BPIFC: variants seen among roughly 807,000 people sequenced by gnomAD.
BPIFC encodes BPI fold containing family C.
Under a neutral mutation model 57.6 loss-of-function variants are expected in BPIFC, and 60 were observed. The ratio of observed to expected loss-of-function variants is 1.04; its 90% CI spans 0.85 to 1.29. The LOEUF (loss-of-function observed/expected upper bound fraction) is 1.29. Among genes scored for constraint, BPIFC ranks in the 50% most tolerant of loss-of-function variants. The pLI is 0.00. For missense variants in BPIFC, 581 were observed against 600.5 expected (o/e 0.97, Z 0.34); for synonymous variants, 243 against 224.5 (o/e 1.08, Z -0.74).
At chr22:32,417,727 C>G (rs1933723317) in intron 14 of BPIFC, among the ~76,000 whole-genome samples, 2 of 152,206 alleles carry the variant, frequency 1.3e-5, no homozygotes, top group Non-Finnish European at 2.9e-5. Flanking sequence ...TCTACCAAGA[C>G]AGTCAAGAAC....
intron 2 of BPIFC, 135 bp from the exon 3 acceptor site, chr22:32,457,521 T>C (rs73170361): frequency 0.024 from 22,622 of 960,158 alleles, 357 homozygotes; most frequent in Non-Finnish European, 0.028. Flanking sequence ...ATCCATCCAT[T>C]CATCCATCCA....
intron 10 of BPIFC, among the ~76,000 whole-genome samples, chr22:32,434,308 T>C (rs1934331105): frequency 6.7e-6 from 1 of 149,288 alleles, no homozygotes; most frequent in Non-Finnish European, 1.5e-5. Context: ...ATAGTCTTTA[T>C]ATATATATTA....
At chr22:32,443,849 T>G (rs1934638571) in intron 7 of BPIFC, among the ~76,000 whole-genome samples, 1 of 152,164 alleles carries the variant, frequency 6.6e-6, no homozygotes, top group Non-Finnish European at 1.5e-5. Flanking sequence ...AAGCATTGAG[T>G]AAGTGTTAGC....
chr22:32,453,720 T>A (rs1934961044), intron 3 of BPIFC, among the ~76,000 whole-genome samples: 2 of 152,178 alleles, frequency 1.3e-5, no homozygotes, highest in South Asian at 4.1e-4. Flanking sequence ...AGAGCTAACA[T>A]GAGACATTTT....
chr22:32,425,516 C>G (rs1983835911), intron 13 of BPIFC, among the ~76,000 whole-genome samples: 1 of 152,208 alleles, frequency 6.6e-6, no homozygotes, highest in South Asian at 2.1e-4. Flanking sequence ...TGGAAATGAT[C>G]TTGTACGATT....
At chr22:32,421,635 T>C (rs1933850231) in intron 13 of BPIFC, among the ~76,000 whole-genome samples, 1 of 152,204 alleles carries the variant, frequency 6.6e-6, no homozygotes. Context: ...AGGTACTTAA[T>C]GTTCACTTAT....
rs369618463 is a variant in BPIFC, at chr22:32,435,778, C to A, written c.850G>T (p.Glu284Ter). 1.9e-6 allele frequency: 3 copies of A among 1,614,146 alleles called. No homozygotes were observed. The Admixed American group carries it at 5.0e-5, about 27-fold the overall frequency. The change falls in exon 10 of 17, where the codon GAG (glutamate) becomes TAG (stop). Residue 284 changes from glutamate to a stop codon, truncating the protein, a stop_gained. Transcript: ENST00000300399. LOFTEE classifies it high-confidence loss of function. ...SNSMLYIGIA[E>*]YFFKSASFAH... ...AAGGACGCAGATTTAAAGAAATACT[C>A]GGCGATTCCAATGTAGAGCATGGAG...
chr22:32,462,168 C>CAAAAAAAAAAAAAAAAAA (rs35716277), intron 1 of BPIFC, among the ~76,000 whole-genome samples: 20 of 53,576 alleles, frequency 3.7e-4, no homozygotes, highest in South Asian at 1.2e-3. Flanking sequence ...GACTCCATCT[C>CAAAAAAAAAAAAAAAAAA]AAAAAAAAAA....
rs773097186 is a variant in BPIFC at position 32,435,867 on chromosome 22, G to T, written c.761C>A (p.Pro254Gln). The change falls in exon 10 of 17, where the codon CCA (proline) becomes CAA (glutamine). Residue 254 changes from proline to glutamine, a missense_variant. Physicochemically the swap from Pro to Gln is moderately conservative, Grantham distance 76. Transcript: ENST00000300399. The stretch of plus-strand genomic sequence containing the variant: ...GGGGGGGTCGGTGAGGTTTTCCAGT[G>T]GGTAGAATACACCCTGTGGGAAAAG... ...LDLNLKGVFY[P>Q]LENLTDPPFS... The T allele has an allele frequency of 6.2e-7, 1 of 1,613,690 alleles. No individual in the cohort carries two copies. Among genetic ancestry groups the T allele is most frequent in the South Asian group, 1.1e-5 (1 of 91,004 alleles).
intron 1 of BPIFC, among the ~76,000 whole-genome samples, chr22:32,462,564 C>T (rs955897431): frequency 2.0e-5 from 3 of 152,158 alleles, no homozygotes; most frequent in Admixed American, 2.0e-4. Flanking sequence ...TTACCCTTTA[C>T]AAAACTCACA....
chr22:32,415,910 C>A lies in BPIFC; in HGVS notation c.1401+5G>T, dbSNP rs747336667. On this transcript the variant is annotated splice_donor_5th_base_variant and intron_variant, in intron 16 of 16. Transcript: ENST00000300399. ...TCAGTTAAGAGGTGAGATTTGCATT[C>A]TTACCTCAAGAACTTCAATATCTGA... 1.7e-5 allele frequency: 26 copies of A among 1,567,450 alleles called. No individual in the cohort carries two copies. Among genetic ancestry groups the A allele is most frequent in the Non-Finnish European group, 2.0e-5 (23 of 1,153,174 alleles).
At chr22:32,446,176 A>G (rs1362676152) in intron 5 of BPIFC, among the ~76,000 whole-genome samples, 180 bp from the exon 6 acceptor site, 1 of 152,152 alleles carries the variant, frequency 6.6e-6, no homozygotes, top group Admixed American at 6.5e-5. Flanking sequence ...TATTCCCAGA[A>G]CAGACGAAGT....
intron 4 of BPIFC, among the ~76,000 whole-genome samples, chr22:32,447,726 T>A (rs4821065): frequency 2.0e-5 from 3 of 151,266 alleles, no homozygotes; most frequent in African/African-American, 7.3e-5. Context: ...CTGCCTCAGC[T>A]TTCCAAACAG....
intron 14 of BPIFC, among the ~76,000 whole-genome samples, chr22:32,418,545 G>A (rs722693): frequency 0.3 from 46,000 of 152,052 alleles, 7,159 homozygotes; most frequent in African/African-American, 0.34. Flanking sequence ...GACATTGCCA[G>A]ATGTCCCTAG....
chr22:32,434,493 C>T (rs959591568), intron 10 of BPIFC, among the ~76,000 whole-genome samples: 9 of 149,726 alleles, frequency 6.0e-5, no homozygotes, highest in Non-Finnish European at 3.0e-5. Context: ...ATATATATTA[C>T]AATCTATATG....
At chr22:32,446,221 T>C (rs1034445550) in intron 5 of BPIFC, among the ~76,000 whole-genome samples, 6 of 152,214 alleles carry the variant, frequency 3.9e-5, no homozygotes, top group Admixed American at 2.6e-4. Context: ...TATTGGGATA[T>C]TCTAATTATT....
chr22:32,420,660 A>G (rs12628702), intron 13 of BPIFC, among the ~76,000 whole-genome samples: 13,680 of 152,276 alleles, frequency 0.09, 1,018 homozygotes, highest in East Asian at 0.45. Flanking sequence ...TGAAATGACT[A>G]TAGTTAACAA....
chr22:32,431,342 C>G lies in BPIFC; in HGVS notation c.1217+5G>C. The stretch of plus-strand genomic sequence containing the variant: ...TGCCCCAACAGTCAAATTGATTGAT[C>G]TTACCTGTTCAGAGACAAGGAGCAG... On this transcript the variant is annotated splice_donor_5th_base_variant and intron_variant, in intron 13 of 16. Coordinates refer to ENST00000300399, the MANE Select transcript of BPIFC (RefSeq NM_174932.3). 3 of 1,609,772 alleles carry G rather than the reference C, an allele frequency of 1.9e-6. No individual in the cohort carries two copies. Among genetic ancestry groups the G allele is most frequent in the Non-Finnish European group, 2.5e-6 (3 of 1,176,640 alleles).
chr22:32,450,135 CACACACAT>C lies in BPIFC; in HGVS notation c.246-2803_246-2796del, dbSNP rs1386985747. On this transcript the variant is annotated intron_variant, in intron 4 of 16. Coordinates refer to ENST00000300399, the MANE Select transcript of BPIFC (RefSeq NM_174932.3). ...ACACACACACACACACACACACACA[CACACACAT>C]ATATACACATATATACACACATATA... 5.6e-3 allele frequency among the ~76,000 whole-genome samples: 387 copies of C among 68,528 alleles called. 7 individuals are homozygous for C. The highest frequency in any genetic ancestry group is 0.055 in the South Asian group (89 of 1,626). The allele number at this position is 68,528 out of a possible 152,430, so 45.0% of individuals were successfully genotyped here.
Sources: allele counts gnomAD v4.1 joint callset (sites outside exome capture counted in the v4.1 genomes callset), GRCh38; gene constraint gnomAD v4.1.1; transcripts MANE v1.5; gene names NCBI Gene and HGNC (gene_info 2026-07-23, HGNC 2026-07-21).